The following CRLF3 variants were observed in gnomAD, a reference collection of about 807,000 sequenced individuals.
CRLF3 encodes cytokine receptor like factor 3.
Under a neutral mutation model 55.0 loss-of-function variants are expected in CRLF3, and 33 were observed. The ratio of observed to expected loss-of-function variants is 0.60; its 90% CI spans 0.46 to 0.80. The LOEUF (loss-of-function observed/expected upper bound fraction) is 0.80, where lower values mean the gene tolerates loss of function less well. Ranked by LOEUF, CRLF3 falls within the 30% of genes least tolerant of loss-of-function variation. CRLF3 has a pLI of 0.00. For synonymous variants in CRLF3, 238 were observed against 196.8 expected, an observed-to-expected ratio of 1.21 and a Z score of -1.75; for missense variants, 494 against 538.4, an observed-to-expected ratio of 0.92 and a Z score of 0.82.
chr17:30,814,928 G>A (rs1473773073), intron 1 of CRLF3, among the ~76,000 whole-genome samples: 2 of 151,688 alleles, frequency 1.3e-5, no homozygotes, highest in African/African-American at 4.8e-5. Flanking sequence ...TTGAACCCCC[G>A]GGAGGCGGAA....
At chr17:30,799,358 C>T (rs1313372406) in intron 2 of CRLF3, among the ~76,000 whole-genome samples, 1 of 152,072 alleles carries the variant, frequency 6.6e-6, no homozygotes, top group Non-Finnish European at 1.5e-5. Context: ...CACACTGCCT[C>T]AAAGGGATTT....
intron 1 of CRLF3, among the ~76,000 whole-genome samples, chr17:30,821,248 G>A (rs562722693): frequency 7.3e-5 from 11 of 151,566 alleles, no homozygotes; most frequent in African/African-American, 2.7e-4. Context: ...ACTGAGATGG[G>A]AGGATCACTT....
At position 30,793,504 on chromosome 17, in the gene CRLF3, C is replaced by T; in HGVS notation, c.772G>A (p.Glu258Lys). ...TGGGGGACACTCCAAGGACTCCACT[C>T]CTGTCGGCCATCTCCTCGGGCGCAG... Reference protein sequence around the residue: ...RVCARGDGRQEWSPWSVPQIG... With the variant: ...RVCARGDGRQKWSPWSVPQIG... The change falls in exon 5 of 8, where the codon GAG (glutamate) becomes AAG (lysine). Residue 258 changes from glutamate to lysine, a missense_variant. Transcript: ENST00000324238. 6.2e-7 allele frequency: 1 copy of T among 1,614,174 alleles called. No homozygotes were observed. Among genetic ancestry groups the T allele is most frequent in the Non-Finnish European group, 8.5e-7 (1 of 1,180,040 alleles).
intron 4 of CRLF3, among the ~76,000 whole-genome samples, chr17:30,795,913 C>T (rs1302217022): frequency 2.0e-5 from 3 of 151,994 alleles, no homozygotes; most frequent in Admixed American, 6.6e-5. Context: ...GCCGAGATCA[C>T]GCCACTTCAC....
Position 30,783,119 on chromosome 17 carries a change from C to T in CRLF3, c.*1068G>A, listed in dbSNP as rs1020721877. 1 of 152,150 alleles carries T rather than the reference C, an allele frequency of 6.6e-6. No homozygotes were observed. The highest frequency in any genetic ancestry group is 1.5e-5 in the Non-Finnish European group (1 of 68,030). The allele number at this position is 152,150 out of a possible 1,614,324, so 9.4% of individuals were successfully genotyped here. ...AAACTGGACTGCAGCTCATTCTCTGCAAAGAGTAAAATGCATGTCACAGGC... is the reference window on the plus strand; with the variant it reads ...AAACTGGACTGCAGCTCATTCTCTGTAAAGAGTAAAATGCATGTCACAGGC... On this transcript the variant is annotated 3_prime_UTR_variant, in exon 8 of 8. Transcript: ENST00000324238.
chr17:30,806,781 G>A (rs114281094), intron 1 of CRLF3, among the ~76,000 whole-genome samples: 29 of 152,072 alleles, frequency 1.9e-4, no homozygotes, highest in African/African-American at 5.8e-4. Flanking sequence ...TTATAGGTGC[G>A]GGCCACCACA....
At chr17:30,793,762 A>T in intron 4 of CRLF3, 90 bp from the exon 5 acceptor site, 1 of 799,336 alleles carries the variant, frequency 1.3e-6, no homozygotes, top group East Asian at 2.6e-5. Context: ...GCCATTTTGG[A>T]CCAAGCAGAC....
In CRLF3 at chr17:30,784,412, T is replaced by C. The variant is rs1322276929; in HGVS notation, c.1104A>G (p.Thr368=). The change falls in exon 8 of 8, where the codon ACA becomes ACG. Residue 368 remains threonine (T), a synonymous_variant. Coordinates refer to ENST00000324238, the MANE Select transcript of CRLF3 (RefSeq NM_015986.4). The part of the protein sequence containing the change: ...GAVFVNGKEM[T]NQLPAVTSGS... ...CAGAAGTAACTGCGGGTAACTGATT[T>C]GTCATTTCTTTTCCATTGACAAAAA... The C allele has an allele frequency of 1.2e-6, 2 of 1,613,450 alleles. No individual in the cohort carries two copies. The highest frequency in any genetic ancestry group is 1.7e-6 in the Non-Finnish European group (2 of 1,179,346).
chr17:30,816,234 A>C (rs896951471), intron 1 of CRLF3, among the ~76,000 whole-genome samples: 9 of 151,046 alleles, frequency 6.0e-5, no homozygotes, highest in African/African-American at 2.2e-4. Context: ...GTGAGCCGAG[A>C]TCGCACCACT....
intron 7 of CRLF3, 52 bp from the exon 8 acceptor site, chr17:30,784,495 C>G (rs777967213): frequency 2.7e-6 from 4 of 1,484,948 alleles, no homozygotes; most frequent in Non-Finnish European, 3.7e-6. Context: ...ACTAAGAGAT[C>G]TGAAATAGTT....
At chr17:30,822,534 G>C (rs55638872) in intron 1 of CRLF3, among the ~76,000 whole-genome samples, 20,665 of 152,182 alleles carry the variant, frequency 0.14, 1,504 homozygotes, top group South Asian at 0.25. Flanking sequence ...TTTTCTGTCT[G>C]AAGCCCAAGA....
intron 1 of CRLF3, among the ~76,000 whole-genome samples, chr17:30,811,983 A>G (rs1904643159): frequency 6.6e-6 from 1 of 151,210 alleles, no homozygotes; most frequent in African/African-American, 2.4e-5. Context: ...GGTGGCGGGC[A>G]CTTGTAGTCC....
In CRLF3 at chr17:30,824,516, C is replaced by G; in HGVS notation, c.129+7G>C. 6.3e-7 allele frequency: 1 copy of G among 1,584,820 alleles called. No homozygotes were observed. Among genetic ancestry groups the G allele is most frequent in the Non-Finnish European group, 8.5e-7 (1 of 1,171,506 alleles). Reference sequence around the variant, plus strand: ...CCACAGCGCCCCTGTGGGTGTGGCCCTCCGACCTGCCTCCGCGCCTCACGC... The same window carrying G: ...CCACAGCGCCCCTGTGGGTGTGGCCGTCCGACCTGCCTCCGCGCCTCACGC... On this transcript the variant is annotated splice_region_variant and intron_variant, in intron 1 of 7. Coordinates refer to ENST00000324238, the MANE Select transcript of CRLF3 (RefSeq NM_015986.4).
chr17:30,792,796 GTTATCTC>G (rs1174671941), intron 5 of CRLF3: 6 of 383,912 alleles, frequency 1.6e-5, no homozygotes, highest in South Asian at 5.4e-5. Flanking sequence ...TCACACAAGT[GTTATCTC>G]TTATCTAATA....
rs199562193 is a variant in CRLF3 at position 30,824,583 on chromosome 17, C to G, written c.69G>C (p.Ala23=). The part of the protein sequence containing the change: ...LQEARENVEA[A]QSYRRELGHR... ...GACCCAGCTCCCGCCGGTAGCTCTG[C>G]GCTGCCTCCACGTTCTCGCGGGCCT... Residue 23 remains alanine (A), a synonymous_variant, in exon 1 of 8, where the codon GCG becomes GCC. Coordinates refer to ENST00000324238, the MANE Select transcript of CRLF3 (RefSeq NM_015986.4). 6.2e-7 allele frequency: 1 copy of G among 1,604,932 alleles called. No homozygotes were observed. Among genetic ancestry groups the G allele is most frequent in the Non-Finnish European group, 8.5e-7 (1 of 1,179,032 alleles).
chr17:30,790,215 G>A (rs1244506076), intron 6 of CRLF3, among the ~76,000 whole-genome samples: 1 of 152,096 alleles, frequency 6.6e-6, no homozygotes, highest in Non-Finnish European at 1.5e-5. Flanking sequence ...GAGAACAAAA[G>A]GAACTTGGGT....
chr17:30,793,339 A>C (rs1360606518), intron 5 of CRLF3, 111 bp downstream of exon 5: 5 of 777,622 alleles, frequency 6.4e-6, no homozygotes, highest in Admixed American at 2.6e-5. Context: ...GTTCTTATCA[A>C]TTCAGGATCT....
chr17:30,824,406 C>T, intron 1 of CRLF3, 117 bp downstream of exon 1: 1 of 1,062,722 alleles, frequency 9.4e-7, no homozygotes, highest in Non-Finnish European at 1.3e-6. Context: ...CAAATGAATG[C>T]CTCTTCCCTA....
chr17:30,788,596 C>CTTTTTTTTTTTTTTTT (rs1429494338), intron 6 of CRLF3, among the ~76,000 whole-genome samples: 2 of 120,294 alleles, frequency 1.7e-5, no homozygotes, highest in African/African-American at 7.1e-5. Context: ...AAAGTAGTGC[C>CTTTTTTTTTTTTTTTT]TTCTTTTTTT....
Sources: gnomAD v4.1 joint callset for allele counts (sites outside exome capture counted in the v4.1 genomes callset) on GRCh38, gnomAD v4.1.1 for gene constraint, MANE v1.5 for transcripts, NCBI Gene and HGNC (gene_info 2026-07-23, HGNC 2026-07-21) for gene names.